The following NFIB variants were observed in gnomAD, a reference collection of about 807,000 sequenced individuals.
The protein encoded by NFIB is nuclear factor I B.
A neutral mutation model predicts 61.5 loss-of-function variants in NFIB; 11 were observed. The ratio of observed to expected loss-of-function variants is 0.18; its 90% CI spans 0.11 to 0.30. NFIB has a LOEUF of 0.30. Ranked by LOEUF, NFIB falls within the 10% of genes least tolerant of loss-of-function variation. The pLI is 1.00. For missense variants in NFIB, 471 were observed against 608.9 expected (o/e 0.77, Z 2.38); for synonymous variants, 260 against 216.5 (o/e 1.20, Z -1.76).
intron 10 of NFIB, among the ~76,000 whole-genome samples, chr9:14,111,874 T>C (rs1311671561): frequency 6.6e-6 from 1 of 152,208 alleles, no homozygotes; most frequent in Non-Finnish European, 1.5e-5. Flanking sequence ...TGATTTTCTC[T>C]GAGCTCTGCA....
chr9:14,163,744 T>C (rs1311206206), intron 3 of NFIB, among the ~76,000 whole-genome samples: 4 of 152,000 alleles, frequency 2.6e-5, no homozygotes, highest in Non-Finnish European at 5.9e-5. Context: ...ATCATTCAAA[T>C]ACAAATTATA....
intron 1 of NFIB, among the ~76,000 whole-genome samples, chr9:14,334,823 T>G (rs1225369667): frequency 6.6e-6 from 1 of 152,232 alleles, no homozygotes; most frequent in African/African-American, 2.4e-5. Context: ...AATGTTTATA[T>G]GCCTCTTGGT....
chr9:14,359,152 T>C (rs1307408262), intron 1 of NFIB, among the ~76,000 whole-genome samples: 3 of 152,136 alleles, frequency 2.0e-5, no homozygotes, highest in Admixed American at 6.6e-5. Flanking sequence ...GCCAAGGAGA[T>C]TGTTAAACTG....
At chr9:14,109,310 A>G (rs773735779) in intron 10 of NFIB, among the ~76,000 whole-genome samples, 30 of 152,058 alleles carry the variant, frequency 2.0e-4, no homozygotes, top group Non-Finnish European at 3.4e-4. Context: ...TTCATTGCCT[A>G]TCATAACGAA....
chr9:14,226,961 G>A (rs1235297849), intron 2 of NFIB, among the ~76,000 whole-genome samples: 1 of 147,872 alleles, frequency 6.8e-6, no homozygotes, highest in Non-Finnish European at 1.5e-5. Context: ...CTAAGATGGT[G>A]AAACTCCGTC....
Position 14,362,477 on chromosome 9 carries a change from C to G in NFIB, c.108+36047G>C, listed in dbSNP as rs371755681. 5 of 152,326 alleles carry G rather than the reference C, an allele frequency of 3.3e-5. No individual in the cohort carries two copies. The East Asian group carries it at 9.6e-4, about 29-fold the overall frequency. The allele number at this position is 152,326 out of a possible 1,614,324, so 9.4% of individuals were successfully genotyped here. ...GAACATAGATCGCAGTCTTCCAAGG[C>G]TGCCTTGGGATGCCTCAGGATGCCT... is the stretch of plus-strand genomic sequence containing the variant. On this transcript the variant is annotated intron_variant, in intron 1 of 8. Transcript: ENST00000380934.
intron 6 of NFIB, among the ~76,000 whole-genome samples, chr9:14,130,828 A>G (rs1056991899): frequency 1.3e-5 from 2 of 152,222 alleles, no homozygotes; most frequent in Non-Finnish European, 2.9e-5. Context: ...CATAGCCAGT[A>G]TATCTTAAAA....
At chr9:14,344,414 G>A (rs929836292) in intron 1 of NFIB, among the ~76,000 whole-genome samples, 2 of 151,892 alleles carry the variant, frequency 1.3e-5, no homozygotes, top group Admixed American at 6.6e-5. Context: ...TCTCAGAAGG[G>A]GGGGGTAGAG....
At chr9:14,119,945 A>G (rs1474462338) in intron 8 of NFIB, among the ~76,000 whole-genome samples, 1 of 152,260 alleles carries the variant, frequency 6.6e-6, no homozygotes, top group African/African-American at 2.4e-5. Flanking sequence ...AATGTAAGTC[A>G]TGTCTCTGCA....
intron 2 of NFIB, among the ~76,000 whole-genome samples, chr9:14,219,080 TA>T (rs2051307512): frequency 6.6e-6 from 1 of 152,186 alleles, no homozygotes; most frequent in Non-Finnish European, 1.5e-5. Flanking sequence ...GAAGCTCATG[TA>T]GATCACCCAA....
At chr9:14,134,058 G>A (rs2040715861) in intron 6 of NFIB, among the ~76,000 whole-genome samples, 1 of 152,156 alleles carries the variant, frequency 6.6e-6, no homozygotes, top group Non-Finnish European at 1.5e-5. Context: ...AAGACACATG[G>A]TGTGTTCCTT....
chr9:14,297,125 T>C (rs2132610538), intron 2 of NFIB, among the ~76,000 whole-genome samples: 1 of 152,318 alleles, frequency 6.6e-6, no homozygotes, highest in Non-Finnish European at 1.5e-5. Context: ...ATTCTTTCGA[T>C]GTAGGAACTG....
intron 2 of NFIB, among the ~76,000 whole-genome samples, chr9:14,264,589 A>G (rs1272939491): frequency 2.0e-5 from 3 of 152,216 alleles, no homozygotes; most frequent in Admixed American, 6.5e-5. Context: ...CCCAGATTAC[A>G]GTAAGACAAA....
chr9:14,471,600 C>A, the NFIB span, among the ~76,000 whole-genome samples: 1 of 152,148 alleles, frequency 6.6e-6, no homozygotes, highest in Non-Finnish European at 1.5e-5. Flanking sequence ...ATGGTGGATA[C>A]CTTAGCCAGA....
intron 2 of NFIB, among the ~76,000 whole-genome samples, chr9:14,225,132 T>A (rs2052203940): frequency 6.6e-6 from 1 of 152,166 alleles, no homozygotes; most frequent in Non-Finnish European, 1.5e-5. Context: ...TCCAACATTT[T>A]AAAATTCCAG....
chr9:14,200,073 G>C (rs1208121092), intron 2 of NFIB, among the ~76,000 whole-genome samples: 1 of 152,098 alleles, frequency 6.6e-6, no homozygotes, highest in African/African-American at 2.4e-5. Context: ...TTTGCCCCTA[G>C]GTCTGAAGGC....
rs778914837 is a variant in NFIB at position 14,182,708 on chromosome 9, C to CTCTCTCTCTCTGTG, written c.563-2929_563-2928insCACAGAGAGAGAGA. Reference sequence around the variant, plus strand: ...CCTCTCTCTCTCTCTCTCTCTCTCTCTGTGTGTGTGTGTGTGTGTGTGTGT... The same window carrying CTCTCTCTCTCTGTG: ...CCTCTCTCTCTCTCTCTCTCTCTCTCTCTCTCTCTCTGTGTGTGTGTGTGTGTGTGTGTGTGTGT... On this transcript the variant is annotated intron_variant, in intron 2 of 10. Coordinates refer to ENST00000380953, the MANE Select transcript of NFIB (RefSeq NM_001190737.2). Among the ~76,000 whole-genome samples, 134 of 96,990 alleles carry CTCTCTCTCTCTGTG rather than the reference C, an allele frequency of 1.4e-3. 3 individuals are homozygous for CTCTCTCTCTCTGTG. The highest frequency in any genetic ancestry group is 2.4e-3 in the Non-Finnish European group (117 of 49,772). 63.6% of individuals were successfully genotyped at this position (96,990 alleles called of 152,430 possible).
chr9:14,439,681 G>A, the NFIB span, among the ~76,000 whole-genome samples: 1 of 152,182 alleles, frequency 6.6e-6, no homozygotes, highest in Admixed American at 6.5e-5. Flanking sequence ...CTCTGTTTAT[G>A]AGAAGTGGTC....
At chr9:14,158,898 T>C (rs1278831131) in intron 3 of NFIB, among the ~76,000 whole-genome samples, 3 of 152,222 alleles carry the variant, frequency 2.0e-5, no homozygotes, top group Non-Finnish European at 4.4e-5. Context: ...AGCCCAAAAA[T>C]ATTTGTGAAA....
Sources: allele counts gnomAD v4.1 joint callset (sites outside exome capture counted in the v4.1 genomes callset), GRCh38; gene constraint gnomAD v4.1.1; transcripts MANE v1.5; gene names NCBI Gene and HGNC (gene_info 2026-07-23, HGNC 2026-07-21).